The following DYNC1LI1 variants were observed in gnomAD, a reference collection of about 807,000 sequenced individuals.
The protein encoded by DYNC1LI1 is dynein cytoplasmic 1 light intermediate chain 1.
A neutral mutation model predicts 63.8 loss-of-function variants in DYNC1LI1; 19 were observed. The observed-to-expected ratio is 0.30, with a 90% CI of 0.21 to 0.44. The LOEUF (loss-of-function observed/expected upper bound fraction) is 0.44, where lower values mean the gene tolerates loss of function less well. Among genes scored for constraint, DYNC1LI1 ranks in the 20% least tolerant of loss-of-function variants. The pLI, the probability that DYNC1LI1 is intolerant of heterozygous loss-of-function variation, is 1.00. For missense variants in DYNC1LI1, 565 were observed against 630.2 expected (o/e 0.90, Z 1.11); for synonymous variants, 225 against 232.3 (o/e 0.97, Z 0.28).
At chr3:32,566,959 CT>C (rs1698268682) in intron 2 of DYNC1LI1, among the ~76,000 whole-genome samples, 1 of 152,130 alleles carries the variant, frequency 6.6e-6, no homozygotes, top group African/African-American at 2.4e-5. Flanking sequence ...ATATCATAGA[CT>C]TTTTGGATTT....
At chr3:32,545,447 T>C (rs1176507632) in intron 3 of DYNC1LI1, 1 of 347,264 alleles carries the variant, frequency 2.9e-6, no homozygotes, top group Non-Finnish European at 5.2e-6. Flanking sequence ...ACTCAAGATA[T>C]CATATACAAA....
chr3:32,557,554 AAAAT>A (rs1321488654), intron 2 of DYNC1LI1, among the ~76,000 whole-genome samples: 4 of 151,940 alleles, frequency 2.6e-5, no homozygotes, highest in African/African-American at 9.7e-5. Flanking sequence ...ATAAAATAAA[AAAAT>A]AAATAAATAG....
At chr3:32,537,307 C>A (rs948238334) in intron 5 of DYNC1LI1, 6 of 309,668 alleles carry the variant, frequency 1.9e-5, no homozygotes, top group African/African-American at 6.5e-5. Context: ...TTTTAAAAAG[C>A]ATTAACTTCA....
In DYNC1LI1 at chr3:32,570,851, C is replaced by G. The variant is rs1698342035; in HGVS notation, c.-81G>C. On this transcript the variant is annotated 5_prime_UTR_variant, in exon 1 of 13. Coordinates refer to ENST00000273130, the MANE Select transcript of DYNC1LI1 (RefSeq NM_016141.4). ...CGGTGGCGGTGGAGGCGGCGGGAAC[C>G]CGGATATGGGGCGTTCAGCGCACGG... 6.6e-7 allele frequency: 1 copy of G among 1,505,788 alleles called. No homozygotes were observed. The highest frequency in any genetic ancestry group is 1.3e-5 in the South Asian group (1 of 78,210). The allele number at this position is 1,505,788 out of a possible 1,614,324, so 93.3% of individuals were successfully genotyped here. A position where few individuals can be genotyped will look rare whatever the true frequency, so the allele number is the denominator to read the frequency against.
At chr3:32,542,527 C>T (rs571483343) in intron 4 of DYNC1LI1, among the ~76,000 whole-genome samples, 1 of 151,948 alleles carries the variant, frequency 6.6e-6, no homozygotes, top group Admixed American at 6.6e-5. Context: ...CCTGCCTCAG[C>T]CTCCCAAGGG....
At chr3:32,529,753 C>T (rs554798587) in intron 10 of DYNC1LI1, 93 bp from the exon 11 acceptor site, 2 of 1,138,564 alleles carry the variant, frequency 1.8e-6, no homozygotes, top group South Asian at 3.4e-5. Flanking sequence ...TTGCAACTAT[C>T]CCCTGTTCTA....
intron 2 of DYNC1LI1, chr3:32,566,466 A>C (rs1485923682): frequency 5.8e-6 from 1 of 173,692 alleles, no homozygotes; most frequent in Non-Finnish European, 1.3e-5. Context: ...TAAAATACAA[A>C]TATGCCCAGC....
intron 2 of DYNC1LI1, among the ~76,000 whole-genome samples, chr3:32,563,007 T>C (rs1344975984): frequency 6.6e-6 from 1 of 152,120 alleles, no homozygotes; most frequent in African/African-American, 2.4e-5. Context: ...AAATATTTCG[T>C]GACCTATTTA....
chr3:32,530,354 CTAGTT>C, intron 9 of DYNC1LI1, 26 bp from the exon 10 acceptor site: 1 of 1,564,368 alleles, frequency 6.4e-7, no homozygotes, highest in Non-Finnish European at 8.7e-7. Context: ...AAAAAGAATC[CTAGTT>C]TAGACATTCA....
At chr3:32,569,826 T>C (rs982654553) in intron 2 of DYNC1LI1, among the ~76,000 whole-genome samples, 1 of 152,206 alleles carries the variant, frequency 6.6e-6, no homozygotes, top group East Asian at 1.9e-4. Flanking sequence ...CAGAATTATA[T>C]GTGACAGTTA....
intron 2 of DYNC1LI1, among the ~76,000 whole-genome samples, chr3:32,567,443 G>A (rs538910527): frequency 3.9e-5 from 6 of 152,236 alleles, no homozygotes; most frequent in East Asian, 1.9e-4. Flanking sequence ...TGTGAGGGGA[G>A]TACTTAGGGC....
chr3:32,556,831 G>A (rs1209883678), intron 2 of DYNC1LI1, among the ~76,000 whole-genome samples: 1 of 152,132 alleles, frequency 6.6e-6, no homozygotes, highest in Non-Finnish European at 1.5e-5. Flanking sequence ...AGGACATCTG[G>A]CCCAAACTTC....
chr3:32,547,241 TCAAAA>T (rs113456328), intron 2 of DYNC1LI1, among the ~76,000 whole-genome samples: 3 of 152,022 alleles, frequency 2.0e-5, no homozygotes, highest in African/African-American at 4.8e-5. Flanking sequence ...AGGCTCTGTC[TCAAAA>T]CAAAACAAAA....
chr3:32,568,048 G>C (rs1178300077), intron 2 of DYNC1LI1, among the ~76,000 whole-genome samples: 1 of 152,064 alleles, frequency 6.6e-6, no homozygotes, highest in South Asian at 2.1e-4. Context: ...ATACTACCCA[G>C]GCTGGTCTCC....
intron 2 of DYNC1LI1, among the ~76,000 whole-genome samples, chr3:32,549,491 T>C (rs1698003195): frequency 6.6e-6 from 1 of 152,070 alleles, no homozygotes; most frequent in African/African-American, 2.4e-5. Flanking sequence ...TAAGTTAAAA[T>C]GATATCAACT....
intron 2 of DYNC1LI1, among the ~76,000 whole-genome samples, chr3:32,557,598 A>G (rs1011822060): frequency 6.6e-6 from 1 of 152,144 alleles, no homozygotes; most frequent in African/African-American, 2.4e-5. Context: ...GCTTAATGGC[A>G]AACAATTTTA....
In DYNC1LI1 at chr3:32,569,755, AC is replaced by A. The variant is rs538153534; in HGVS notation, c.220+590del. Among the ~76,000 whole-genome samples the A allele has an allele frequency of 5.9e-5, 9 of 152,328 alleles. No individual in the cohort carries two copies. The South Asian group carries it at 1.9e-3, about 32-fold the overall frequency. ...TGACACTGGACCGTTTCTCCTTATT[AC>A]ATCCATTTGGCTGAAAAGACTTAAC... On this transcript the variant is annotated intron_variant, in intron 2 of 12. Coordinates refer to ENST00000273130, the MANE Select transcript of DYNC1LI1 (RefSeq NM_016141.4).
rs759868016 is a variant in DYNC1LI1, at chr3:32,533,059, A to G, written c.1007T>C (p.Leu336Ser). Residue 336 changes from leucine to serine, a missense_variant, in exon 8 of 13, where the codon TTA becomes TCA. By Grantham distance (145) the Leu-to-Ser change is moderately radical. Coordinates refer to ENST00000273130, the MANE Select transcript of DYNC1LI1 (RefSeq NM_016141.4). The part of the protein sequence containing the change: ...GWDNDKKIGI[L>S]HENFQTLKAE... ...TTTTAATGTTTGAAAATTTTCATGT[A>G]ATATTCCTATTTTCTTATCATTATC... 63 of 1,604,148 alleles carry G rather than the reference A, an allele frequency of 3.9e-5. No homozygotes were observed. Among genetic ancestry groups the G allele is most frequent in the Non-Finnish European group, 5.3e-5 (62 of 1,177,938 alleles).
chr3:32,560,302 G>C (rs1427653687), intron 2 of DYNC1LI1, among the ~76,000 whole-genome samples: 1 of 152,066 alleles, frequency 6.6e-6, no homozygotes, highest in African/African-American at 2.4e-5. Context: ...AAGCCTGGTG[G>C]CACGCCTGTA....
Sources: allele counts gnomAD v4.1 joint callset (sites outside exome capture counted in the v4.1 genomes callset), GRCh38; gene constraint gnomAD v4.1.1; transcripts MANE v1.5; gene names NCBI Gene and HGNC (gene_info 2026-07-23, HGNC 2026-07-21).